The following HABP2 variants were observed in gnomAD, a reference collection of about 807,000 sequenced individuals.
HABP2 encodes the protein factor VII-activating protease.
A neutral mutation model predicts 66.5 loss-of-function variants in HABP2; 65 were observed. That is an observed-to-expected ratio of 0.98 (90% CI 0.80 to 1.20). The LOEUF (loss-of-function observed/expected upper bound fraction) is 1.20, where lower values mean the gene tolerates loss of function less well. HABP2 is among the 50% of genes most tolerant of loss of function. The pLI, the probability that HABP2 is intolerant of heterozygous loss-of-function variation, is 0.00. For synonymous variants in HABP2, 263 were observed against 253.9 expected, an observed-to-expected ratio of 1.04 and a Z score of -0.34; for missense variants, 786 against 691.0, an observed-to-expected ratio of 1.14 and a Z score of -1.54.
Position 113,588,524 on chromosome 10 carries a change from T to A in HABP2, c.*155T>A, listed in dbSNP as rs771345114. ...GACAACTGCCACCCAGCCTGGGCCT[T>A]CCCAGACCAGCATTTGCACAATATC... is the stretch of plus-strand genomic sequence containing the variant. On this transcript the variant is annotated 3_prime_UTR_variant, in exon 13 of 13. Transcript: ENST00000351270. The A allele has an allele frequency of 7.9e-4, 456 of 578,568 alleles. No individual in the cohort carries two copies. Among genetic ancestry groups the A allele is most frequent in the Non-Finnish European group, 1.2e-3 (411 of 333,328 alleles). The allele number at this position is 578,568 out of a possible 1,614,324, so 35.8% of individuals were successfully genotyped here. A position where few individuals can be genotyped will look rare whatever the true frequency, so the allele number is the denominator to read the frequency against.
At chr10:113,580,515 C>T (rs1257344886) in intron 7 of HABP2, 80 bp from the exon 8 acceptor site, 1 of 790,814 alleles carries the variant, frequency 1.3e-6, no homozygotes, top group Non-Finnish European at 2.2e-6. Context: ...AGTCTAGCAC[C>T]TTCTTATCCA....
chr10:113,563,626 A>G (rs1398214718), intron 1 of HABP2, among the ~76,000 whole-genome samples: 2 of 152,088 alleles, frequency 1.3e-5, no homozygotes, highest in Non-Finnish European at 2.9e-5. Context: ...GCTCCTAGGA[A>G]GGGCACGTCT....
intron 2 of HABP2, among the ~76,000 whole-genome samples, chr10:113,571,391 G>A (rs575487336): frequency 6.6e-6 from 1 of 152,314 alleles, no homozygotes; most frequent in East Asian, 1.9e-4. Flanking sequence ...TGTTCACATG[G>A]CAGTCATGTG....
intron 1 of HABP2, among the ~76,000 whole-genome samples, chr10:113,560,678 C>T (rs11575703): frequency 0.034 from 5,222 of 152,268 alleles, 288 homozygotes; most frequent in African/African-American, 0.12. Context: ...CAATGGAATA[C>T]TATTTAGCTG....
chr10:113,554,684 A>C (rs1183351359), intron 1 of HABP2, among the ~76,000 whole-genome samples: 1 of 152,210 alleles, frequency 6.6e-6, no homozygotes, highest in Non-Finnish European at 1.5e-5. Context: ...AGAACATACC[A>C]GTCGGAAAGA....
At position 113,554,852 on chromosome 10, in the gene HABP2, A is replaced by G. The variant is rs371275078; in HGVS notation, c.69+1662A>G. On this transcript the variant is annotated intron_variant, in intron 1 of 12. Transcript: ENST00000351270. The stretch of plus-strand genomic sequence containing the variant: ...AAGTCAATAATGGATAAAAGAGAAA[A>G]TATGAGAGTTAGCCTTCAGGCAATG... 4.3e-4 allele frequency among the ~76,000 whole-genome samples: 65 copies of G among 152,318 alleles called. 2 individuals carry two copies. The South Asian group carries it at 0.013, about 31-fold the overall frequency.
At chr10:113,578,415 G>A (rs1297401591) in intron 6 of HABP2, among the ~76,000 whole-genome samples, 1 of 152,160 alleles carries the variant, frequency 6.6e-6, no homozygotes, top group Non-Finnish European at 1.5e-5. Context: ...AAAGAACTAA[G>A]CTCCCACACC....
intron 8 of HABP2, among the ~76,000 whole-genome samples, chr10:113,581,099 C>A (rs1845520533): frequency 6.6e-6 from 1 of 152,180 alleles, no homozygotes; most frequent in Admixed American, 6.5e-5. Context: ...TCTGTCCTGG[C>A]CCCGCTCTGT....
rs778254844 is a variant in HABP2, at chr10:113,578,145, G to A, written c.568G>A (p.Gly190Ser). ...GTTCAAGGGGAAATTCTGTGAAATA[G>A]GTATGGGTCTCTGCCACCATCAGGG... Reference protein sequence around the residue: ...DQFKGKFCEIGSDDCYVGDGY... With the variant: ...DQFKGKFCEISSDDCYVGDGY... The change falls in exon 6 of 13, where the codon GGT becomes AGT. Residue 190 changes from glycine (G) to serine (S), a missense_variant and splice_region_variant. Coordinates refer to ENST00000351270, the MANE Select transcript of HABP2 (RefSeq NM_004132.5). 2 of 1,613,972 alleles carry A rather than the reference G, an allele frequency of 1.2e-6. No homozygotes were observed. Among genetic ancestry groups the A allele is most frequent in the South Asian group, 2.2e-5 (2 of 91,068 alleles).
chr10:113,566,256 G>T (rs559567101), intron 1 of HABP2, among the ~76,000 whole-genome samples: 384 of 152,316 alleles, frequency 2.5e-3, no homozygotes, highest in African/African-American at 8.7e-3. Flanking sequence ...AATGTTTGGG[G>T]TTATACTTTC....
chr10:113,581,811 C>T, intron 8 of HABP2, 65 bp from the exon 9 acceptor site: 1 of 1,554,602 alleles, frequency 6.4e-7, no homozygotes. Flanking sequence ...ATACCTCTGC[C>T]TGAGCCCTGC....
In HABP2 at chr10:113,589,082, G is replaced by A. The variant is rs772289662; in HGVS notation, c.*713G>A. 8.1e-6 allele frequency: 13 copies of A among 1,612,726 alleles called. No homozygotes were observed. The highest frequency in any genetic ancestry group is 1.3e-5 in the African/African-American group (1 of 74,810). Reference sequence around the variant, plus strand: ...GCCTCCACTGCTTCTGCCCCCCGCTGCTGAAATCAAACATACCCCAAGTTA... The same window carrying A: ...GCCTCCACTGCTTCTGCCCCCCGCTACTGAAATCAAACATACCCCAAGTTA... On this transcript the variant is annotated 3_prime_UTR_variant, in exon 13 of 13. Transcript: ENST00000351270.
chr10:113,579,035 T>C (rs562839729), intron 7 of HABP2, among the ~76,000 whole-genome samples: 1 of 151,728 alleles, frequency 6.6e-6, no homozygotes, highest in East Asian at 1.9e-4. Context: ...TGCAGGCAGA[T>C]TGCTTGAGCC....
intron 7 of HABP2, among the ~76,000 whole-genome samples, chr10:113,579,301 T>A (rs1186999129): frequency 6.6e-6 from 1 of 151,754 alleles, no homozygotes; most frequent in Non-Finnish European, 1.5e-5. Flanking sequence ...ATGTTCCATG[T>A]GTCATGTGGG....
intron 11 of HABP2, among the ~76,000 whole-genome samples, 171 bp downstream of exon 11, chr10:113,584,453 A>C (rs540647148): frequency 6.6e-6 from 1 of 152,216 alleles, no homozygotes; most frequent in Admixed American, 6.5e-5. Context: ...CTCCACCTGC[A>C]GGGAGCCTTC....
intron 1 of HABP2, among the ~76,000 whole-genome samples, chr10:113,560,460 G>A (rs1057415798): frequency 3.3e-5 from 5 of 152,316 alleles, no homozygotes; most frequent in African/African-American, 1.2e-4. Flanking sequence ...AAACAGTATG[G>A]CGGTCCCTGA....
intron 1 of HABP2, among the ~76,000 whole-genome samples, chr10:113,554,270 G>A (rs1200018513): frequency 6.6e-6 from 1 of 152,134 alleles, no homozygotes; most frequent in African/African-American, 2.4e-5. Context: ...GTAGAAAGTG[G>A]GCAGAGGATA....
intron 1 of HABP2, among the ~76,000 whole-genome samples, chr10:113,563,225 G>A (rs1245173178): frequency 1.3e-5 from 2 of 152,146 alleles, no homozygotes; most frequent in East Asian, 3.8e-4. Flanking sequence ...AGTCTCAGGA[G>A]TAAGGGTTCT....
At chr10:113,567,290 G>A (rs940602204) in intron 1 of HABP2, among the ~76,000 whole-genome samples, 199 bp from the exon 2 acceptor site, 5 of 152,122 alleles carry the variant, frequency 3.3e-5, no homozygotes, top group African/African-American at 9.7e-5. Context: ...TACTCAGCGC[G>A]CACAGGTGGT....
Sources: gnomAD v4.1 joint callset for allele counts (sites outside exome capture counted in the v4.1 genomes callset) on GRCh38, gnomAD v4.1.1 for gene constraint, MANE v1.5 for transcripts, NCBI Gene and HGNC (gene_info 2026-07-23, HGNC 2026-07-21) for gene names.